Variants in CNTNAP4 observed in about 807,000 individuals in gnomAD.
CNTNAP4 encodes contactin associated protein family member 4.
Under a neutral mutation model 148.4 loss-of-function variants are expected in CNTNAP4, and 98 were observed. The observed-to-expected ratio is 0.66, with a 90% confidence interval of 0.56 to 0.78. CNTNAP4 has a LOEUF of 0.78. CNTNAP4 is among the 30% of genes least tolerant of loss of function. The pLI, the probability that CNTNAP4 is intolerant of heterozygous loss-of-function variation, is 0.00. For synonymous variants in CNTNAP4, 730 were observed against 565.1 expected, an observed-to-expected ratio of 1.29 and a Z score of -4.14; for missense variants, 1,935 against 1,565.6, an observed-to-expected ratio of 1.24 and a Z score of -3.98.
intron 15 of CNTNAP4, among the ~76,000 whole-genome samples, chr16:76,516,128 T>C (rs1444216389): frequency 6.7e-6 from 1 of 148,968 alleles, no homozygotes; most frequent in African/African-American, 2.5e-5. Context: ...TTGTGTGATG[T>C]TCCCCTCTCT....
chr16:76,385,033 C>T (rs1276451455), intron 3 of CNTNAP4, among the ~76,000 whole-genome samples: 1 of 152,156 alleles, frequency 6.6e-6, no homozygotes, highest in East Asian at 1.9e-4. Flanking sequence ...TGAAGATATA[C>T]ATATGAATTA....
chr16:76,531,988 A>T (rs1438982984), intron 17 of CNTNAP4, among the ~76,000 whole-genome samples: 1 of 152,044 alleles, frequency 6.6e-6, no homozygotes, highest in African/African-American at 2.4e-5. Context: ...ATATACATTT[A>T]TTTTCTTCTG....
chr16:76,456,455 T>C (rs902970052), intron 8 of CNTNAP4, among the ~76,000 whole-genome samples: 10 of 152,236 alleles, frequency 6.6e-5, no homozygotes, highest in African/African-American at 2.4e-4. Context: ...TTCATAAGTA[T>C]CAGGAGAGAA....
intron 3 of CNTNAP4, among the ~76,000 whole-genome samples, chr16:76,390,913 T>G (rs1311108692): frequency 6.6e-6 from 1 of 152,116 alleles, no homozygotes; most frequent in African/African-American, 2.4e-5. Flanking sequence ...ATTTATGGGG[T>G]ACATGAGATG....
At chr16:76,401,445 G>A (rs1023474040) in intron 3 of CNTNAP4, among the ~76,000 whole-genome samples, 2 of 152,134 alleles carry the variant, frequency 1.3e-5, no homozygotes, top group African/African-American at 4.8e-5. Context: ...GAGCTTTTGG[G>A]CTGAGATGAT....
chr16:76,531,051 G>C (rs1403101717), intron 17 of CNTNAP4, among the ~76,000 whole-genome samples: 1 of 152,188 alleles, frequency 6.6e-6, no homozygotes, highest in African/African-American at 2.4e-5. Context: ...AAGTCAGGCA[G>C]TGTCCTTGTA....
intron 2 of CNTNAP4, among the ~76,000 whole-genome samples, chr16:76,321,429 TA>T (rs764624410): frequency 5.3e-5 from 8 of 151,344 alleles, no homozygotes; most frequent in East Asian, 3.9e-4. Flanking sequence ...TCCCTAAAGA[TA>T]AAAAAAAAGT....
intron 4 of CNTNAP4, among the ~76,000 whole-genome samples, chr16:76,435,056 C>G (rs9932929): frequency 0.11 from 16,472 of 152,168 alleles, 2,415 homozygotes; most frequent in African/African-American, 0.33. Flanking sequence ...GGCTGAATGT[C>G]TCCTCGGGGA....
At chr16:76,420,883 G>C (rs550393170) in intron 3 of CNTNAP4, among the ~76,000 whole-genome samples, 1 of 151,822 alleles carries the variant, frequency 6.6e-6, no homozygotes, top group African/African-American at 2.4e-5. Flanking sequence ...AGAATTTCCA[G>C]TCTAGCAGTA....
chr16:76,316,862 C>T (rs145521399), intron 2 of CNTNAP4, among the ~76,000 whole-genome samples: 266 of 152,254 alleles, frequency 1.7e-3, no homozygotes, highest in African/African-American at 6.0e-3. Flanking sequence ...TTTTCAAAAA[C>T]GCTAATTATT....
At chr16:76,278,664 C>T (rs1958574324) in intron 1 of CNTNAP4, among the ~76,000 whole-genome samples, 1 of 151,984 alleles carries the variant, frequency 6.6e-6, no homozygotes, top group Non-Finnish European at 1.5e-5. Context: ...TTTATTTTTT[C>T]TTGGATTTTA....
chr16:76,483,632 G>A (rs2081921393), intron 12 of CNTNAP4, among the ~76,000 whole-genome samples: 1 of 152,050 alleles, frequency 6.6e-6, no homozygotes, highest in South Asian at 2.1e-4. Context: ...GGGAGTAGGG[G>A]GCGTTTTAAA....
chr16:76,355,471 G>T lies in CNTNAP4; in HGVS notation c.350G>T (p.Gly117Val). The T allele has an allele frequency of 6.2e-7, 1 of 1,611,842 alleles. No homozygotes were observed. ...TACCTCCTGATGTTCAGTGATAGTGGCTGGAACTGGAAACAATATCGCCAA... is the reference window on the plus strand; with the variant it reads ...TACCTCCTGATGTTCAGTGATAGTGTCTGGAACTGGAAACAATATCGCCAA... ...TSYLLMFSDS[G>V]WNWKQYRQED... The change falls in exon 3 of 24, where the codon GGC becomes GTC. Residue 117 changes from glycine to valine, a missense_variant. Gly to Val is a moderately radical substitution (Grantham distance 109, BLOSUM62 -3). Transcript: ENST00000611870.
chr16:76,288,236 G>C (rs934796403), intron 1 of CNTNAP4, among the ~76,000 whole-genome samples: 2 of 152,024 alleles, frequency 1.3e-5, no homozygotes, highest in Non-Finnish European at 2.9e-5. Flanking sequence ...TGCCTGTTTT[G>C]CCTTCTGCCG....
intron 2 of CNTNAP4, among the ~76,000 whole-genome samples, chr16:76,324,357 A>G (rs1962746385): frequency 6.6e-6 from 1 of 152,212 alleles, no homozygotes; most frequent in African/African-American, 2.4e-5. Flanking sequence ...AAAATTTTAC[A>G]TGCAGGTGCA....
chr16:76,468,592 A>G (rs970018582), intron 10 of CNTNAP4, among the ~76,000 whole-genome samples: 3 of 152,116 alleles, frequency 2.0e-5, no homozygotes, highest in African/African-American at 7.2e-5. Flanking sequence ...AGCTCAAGCC[A>G]TCCTATCTCA....
intron 15 of CNTNAP4, among the ~76,000 whole-genome samples, chr16:76,511,059 A>G (rs921837048): frequency 8.5e-5 from 13 of 152,168 alleles, no homozygotes; most frequent in African/African-American, 7.2e-5. Flanking sequence ...TAAAAGGTAT[A>G]TACACATTTT....
At chr16:76,523,555 A>G (rs886562892) in intron 17 of CNTNAP4, among the ~76,000 whole-genome samples, 5 of 152,160 alleles carry the variant, frequency 3.3e-5, no homozygotes, top group African/African-American at 4.8e-5. Context: ...ACCATGAATT[A>G]TCTCTTACTT....
intron 23 of CNTNAP4, chr16:76,557,375 G>A (rs1707156107): frequency 6.6e-6 from 1 of 152,116 alleles, no homozygotes; most frequent in South Asian, 2.1e-4. Context: ...GAAGCAAAAA[G>A]CAACTAATTC....
Sources: allele counts gnomAD v4.1 joint callset (sites outside exome capture counted in the v4.1 genomes callset), GRCh38; gene constraint gnomAD v4.1.1; transcripts MANE v1.5; gene names NCBI Gene and HGNC (gene_info 2026-07-23, HGNC 2026-07-21).